The following BABAM2 variants were observed in gnomAD, a reference collection of about 807,000 sequenced individuals.
The protein encoded by BABAM2 is BRISC and BRCA1 A complex member 2.
In BABAM2, 31 loss-of-function variants were observed where a neutral mutation model predicts 54.7. The observed-to-expected ratio is 0.57, with a 90% CI of 0.43 to 0.77. The LOEUF (loss-of-function observed/expected upper bound fraction) is 0.77. Ranked by LOEUF, BABAM2 falls within the 30% of genes least tolerant of loss-of-function variation. BABAM2 has a pLI of 0.00. For synonymous variants in BABAM2, 167 were observed against 162.9 expected (o/e 1.03, Z -0.19); for missense variants, 364 against 455.8 (o/e 0.80, Z 1.83).
chr2:27,952,835 T>C (rs970048900), intron 3 of BABAM2, among the ~76,000 whole-genome samples: 2 of 152,050 alleles, frequency 1.3e-5, no homozygotes, highest in African/African-American at 4.8e-5. Flanking sequence ...CTGTCTGATA[T>C]AAACAGCCTA....
intron 3 of BABAM2, among the ~76,000 whole-genome samples, chr2:27,938,900 A>G (rs1244249486): frequency 2.0e-5 from 3 of 152,184 alleles, no homozygotes; most frequent in Non-Finnish European, 2.9e-5. Context: ...TTTTAAATCT[A>G]AAGTTTCTCA....
At chr2:28,328,133 G>C (rs1470297357) in intron 11 of BABAM2, among the ~76,000 whole-genome samples, 1 of 152,152 alleles carries the variant, frequency 6.6e-6, no homozygotes, top group East Asian at 1.9e-4. Flanking sequence ...ATCCTGTTGT[G>C]AGGATGACCC....
chr2:27,921,536 A>G (rs1449818393), intron 2 of BABAM2, among the ~76,000 whole-genome samples: 1 of 152,212 alleles, frequency 6.6e-6, no homozygotes, highest in Non-Finnish European at 1.5e-5. Context: ...TGGGCCATGG[A>G]GGCAGACATC....
At chr2:28,045,951 T>C in intron 6 of BABAM2, 152 bp downstream of exon 6, 1 of 597,350 alleles carries the variant, frequency 1.7e-6, no homozygotes, top group Admixed American at 3.5e-5. Context: ...TGAGCTGTTT[T>C]GCTGCCTAAA....
At chr2:28,052,228 G>T (rs1264557538) in intron 6 of BABAM2, among the ~76,000 whole-genome samples, 1 of 150,494 alleles carries the variant, frequency 6.6e-6, no homozygotes, top group Non-Finnish European at 1.5e-5. Context: ...CTATTAAGAA[G>T]AAACAACTGA....
chr2:28,181,250 T>C (rs898581995), intron 7 of BABAM2, among the ~76,000 whole-genome samples: 4 of 152,172 alleles, frequency 2.6e-5, no homozygotes, highest in African/African-American at 9.7e-5. Context: ...AAAGGATGAA[T>C]AGATAGAGAA....
chr2:28,253,178 T>C (rs1176863913), intron 10 of BABAM2, among the ~76,000 whole-genome samples: 1 of 151,982 alleles, frequency 6.6e-6, no homozygotes, highest in Non-Finnish European at 1.5e-5. Context: ...CCAAAGCGGA[T>C]GGATCACCTG....
At chr2:28,166,571 T>C (rs1428945741) in intron 7 of BABAM2, among the ~76,000 whole-genome samples, 6 of 152,062 alleles carry the variant, frequency 3.9e-5, no homozygotes, top group Non-Finnish European at 8.8e-5. Context: ...GTTCAGCAAC[T>C]AGAGATTTGA....
intron 10 of BABAM2, among the ~76,000 whole-genome samples, chr2:28,291,002 G>A (rs1297015241): frequency 6.6e-6 from 1 of 152,130 alleles, no homozygotes; most frequent in Non-Finnish European, 1.5e-5. Context: ...ACTTAAAGAA[G>A]GGTGGTAGGG....
At chr2:28,251,555 C>T (rs994647458) in intron 10 of BABAM2, among the ~76,000 whole-genome samples, 3 of 152,148 alleles carry the variant, frequency 2.0e-5, no homozygotes, top group South Asian at 2.1e-4. Flanking sequence ...CTGAGCTAAG[C>T]GAGGTAGACT....
intron 7 of BABAM2, among the ~76,000 whole-genome samples, chr2:28,175,305 C>A (rs537013237): frequency 1.3e-5 from 2 of 152,278 alleles, no homozygotes; most frequent in Admixed American, 6.5e-5. Flanking sequence ...TTATAACTAC[C>A]ACTGCTGCCA....
chr2:28,313,079 ACCTACCCGTGGAGTGG>A, intron 11 of BABAM2, among the ~76,000 whole-genome samples: 1 of 152,182 alleles, frequency 6.6e-6, no homozygotes, highest in South Asian at 2.1e-4. Context: ...GTACACATCC[ACCTACCCGTGGAGTGG>A]CCTGGCATGG....
intron 6 of BABAM2, among the ~76,000 whole-genome samples, chr2:28,061,133 A>T (rs1182514200): frequency 2.0e-5 from 3 of 152,164 alleles, no homozygotes; most frequent in Non-Finnish European, 4.4e-5. Flanking sequence ...AAAAAAATAT[A>T]CCAGTATAGA....
At chr2:28,119,258 T>C (rs1204721840) in intron 6 of BABAM2, among the ~76,000 whole-genome samples, 1 of 152,194 alleles carries the variant, frequency 6.6e-6, no homozygotes, top group African/African-American at 2.4e-5. Flanking sequence ...AGAGCACACT[T>C]AGGGCAGTAG....
chr2:28,027,520 C>G (rs1045321406), intron 5 of BABAM2, among the ~76,000 whole-genome samples: 1 of 152,136 alleles, frequency 6.6e-6, no homozygotes. Context: ...CTGTTTCTAT[C>G]AATTTTCTTT....
intron 10 of BABAM2, among the ~76,000 whole-genome samples, chr2:28,267,128 C>G (rs1027284838): frequency 6.6e-6 from 1 of 152,078 alleles, no homozygotes; most frequent in Non-Finnish European, 1.5e-5. Context: ...TGCACTCCAG[C>G]CTGGGTGACA....
intron 1 of BABAM2, 188 bp downstream of exon 1, chr2:27,891,030 G>A (rs983466100): frequency 6.6e-6 from 1 of 152,404 alleles, no homozygotes; most frequent in Non-Finnish European, 1.5e-5. Context: ...GGCCAGAGGC[G>A]TCTCTTTCTC....
intron 4 of BABAM2, chr2:28,015,965 C>T (rs1674778661): frequency 3.4e-6 from 2 of 580,748 alleles, no homozygotes; most frequent in African/African-American, 3.8e-5. Context: ...TTTCTGAGTC[C>T]TTTAATGTCC....
chr2:27,982,852 C>T (rs888336077), intron 3 of BABAM2, among the ~76,000 whole-genome samples: 383 of 149,404 alleles, frequency 2.6e-3, no homozygotes, highest in Non-Finnish European at 4.1e-3. Flanking sequence ...TGTACACACA[C>T]ACACACACAC....
Sources: allele counts gnomAD v4.1 joint callset (sites outside exome capture counted in the v4.1 genomes callset), GRCh38; gene constraint gnomAD v4.1.1; transcripts MANE v1.5; gene names NCBI Gene and HGNC (gene_info 2026-07-23, HGNC 2026-07-21).